The following LHX8 variants were observed in gnomAD, a reference collection of about 807,000 sequenced individuals.
The protein encoded by LHX8 is LIM homeobox 8.
A neutral mutation model predicts 40.3 loss-of-function variants in LHX8; 12 were observed. That is an observed-to-expected ratio of 0.30 (90% confidence interval 0.19 to 0.48). The LOEUF (loss-of-function observed/expected upper bound fraction) is 0.48. Ranked by LOEUF, LHX8 falls within the 20% of genes least tolerant of loss-of-function variation. The pLI, the probability that LHX8 is intolerant of heterozygous loss-of-function variation, is 0.99. For synonymous variants in LHX8, 179 were observed against 162.0 expected (o/e 1.10, Z -0.80); for missense variants, 344 against 433.7 (o/e 0.79, Z 1.84).
the LHX8 span, among the ~76,000 whole-genome samples, chr1:75,167,821 G>C: frequency 1.3e-5 from 2 of 152,138 alleles, no homozygotes; most frequent in Non-Finnish European, 2.9e-5. Context: ...CCTCAGCCTG[G>C]GCTACACGAT....
chr1:75,168,164 G>C, the LHX8 span, among the ~76,000 whole-genome samples: 1 of 152,146 alleles, frequency 6.6e-6, no homozygotes, highest in Non-Finnish European at 1.5e-5. Context: ...AGCACACCTT[G>C]CTTCATTAGC....
chr1:75,153,365 A>G (rs902122686), intron 7 of LHX8, among the ~76,000 whole-genome samples: 11 of 151,942 alleles, frequency 7.2e-5, no homozygotes, highest in African/African-American at 2.7e-4. Context: ...CGGCCTCCCA[A>G]AGTGCTGGGA....
downstream of LHX8, among the ~76,000 whole-genome samples, chr1:75,161,990 T>G (rs971766007): frequency 3.9e-5 from 6 of 152,164 alleles, no homozygotes; most frequent in African/African-American, 1.4e-4. Flanking sequence ...TTTAAAGAAT[T>G]TAGTACTCAC....
chr1:75,136,256 T>C (rs899197641), intron 1 of LHX8, among the ~76,000 whole-genome samples: 4 of 151,802 alleles, frequency 2.6e-5, no homozygotes, highest in African/African-American at 9.7e-5. Context: ...TCCGCTATGA[T>C]TGACGTCTGG....
At chr1:75,179,347 TG>T in the LHX8 span, among the ~76,000 whole-genome samples, 1 of 152,188 alleles carries the variant, frequency 6.6e-6, no homozygotes, top group Non-Finnish European at 1.5e-5. Flanking sequence ...TTTATGAATC[TG>T]GGTGCTCTTG....
At chr1:75,189,907 A>G in the LHX8 span, among the ~76,000 whole-genome samples, 1 of 152,182 alleles carries the variant, frequency 6.6e-6, no homozygotes, top group African/African-American at 2.4e-5. Flanking sequence ...CATTTAATCA[A>G]CTGTTCAATG....
chr1:75,156,832 A>T (rs1315789672), intron 7 of LHX8, 61 bp from the exon 8 acceptor site: 3 of 1,490,370 alleles, frequency 2.0e-6, no homozygotes, highest in African/African-American at 2.8e-5. Flanking sequence ...AACTGAGTTG[A>T]TAATGTGCTC....
intron 5 of LHX8, 58 bp downstream of exon 5, chr1:75,143,396 A>C: frequency 7.5e-7 from 1 of 1,341,732 alleles, no homozygotes; most frequent in Non-Finnish European, 1.0e-6. Flanking sequence ...AGGAATAAAA[A>C]TAACTTTTCC....
chr1:75,184,127 C>T, the LHX8 span, among the ~76,000 whole-genome samples: 2 of 152,106 alleles, frequency 1.3e-5, no homozygotes, highest in South Asian at 4.1e-4. Flanking sequence ...GATTCATAAA[C>T]CAAGTTCTTA....
At chr1:75,158,007 C>T (rs1257766338) in intron 8 of LHX8, among the ~76,000 whole-genome samples, 2 of 152,152 alleles carry the variant, frequency 1.3e-5, no homozygotes, top group East Asian at 3.8e-4. Flanking sequence ...AGTGGTTGAA[C>T]CAGTTTACAC....
At chr1:75,178,681 G>C in the LHX8 span, among the ~76,000 whole-genome samples, 1 of 152,032 alleles carries the variant, frequency 6.6e-6, no homozygotes, top group Non-Finnish European at 1.5e-5. Context: ...CTTCAGTTCT[G>C]CTCTGATCTT....
At chr1:75,179,327 A>G in the LHX8 span, among the ~76,000 whole-genome samples, 5 of 152,040 alleles carry the variant, frequency 3.3e-5, no homozygotes, top group South Asian at 8.3e-4. Flanking sequence ...TTAGGTCTCT[A>G]AGGACTTGCT....
intron 7 of LHX8, 38 bp downstream of exon 7, chr1:75,148,720 A>G (rs1487059526): frequency 3.6e-6 from 5 of 1,405,102 alleles, no homozygotes; most frequent in Non-Finnish European, 3.0e-6. Context: ...AAGGTTTTTA[A>G]AAAATAGATA....
At chr1:75,175,857 T>G in the LHX8 span, among the ~76,000 whole-genome samples, 10 of 152,192 alleles carry the variant, frequency 6.6e-5, no homozygotes, top group Non-Finnish European at 1.2e-4. Flanking sequence ...GTGTGTGATG[T>G]TCCCTGCCCT....
chr1:75,175,112 C>T, the LHX8 span, among the ~76,000 whole-genome samples: 1 of 152,204 alleles, frequency 6.6e-6, no homozygotes. Context: ...GTCTCCAAGT[C>T]CATCCAGGTT....
At chr1:75,148,732 T>C (rs758051457) in intron 7 of LHX8, 50 bp downstream of exon 7, 2 of 1,286,522 alleles carry the variant, frequency 1.6e-6, no homozygotes, top group Non-Finnish European at 1.1e-6. Flanking sequence ...AAATAGATAT[T>C]GGGTCTCCCT....
Position 75,134,875 on chromosome 1 carries a change from C to T in LHX8, c.-92C>T. On this transcript the variant is annotated 5_prime_UTR_variant, in exon 1 of 9. Coordinates refer to ENST00000356261, the MANE Select transcript of LHX8 (RefSeq NM_001256114.2). ...AGTCAGTAATCATTGCACTCCCTCC[C>T]CAAAAGCTCACTTAACCTGAGACAT... 1 of 984,344 alleles carries T rather than the reference C, an allele frequency of 1.0e-6. No individual in the cohort carries two copies. The highest frequency in any genetic ancestry group is 1.2e-6 in the Non-Finnish European group (1 of 829,054). The allele number at this position is 984,344 out of a possible 1,614,324, so 61.0% of individuals were successfully genotyped here.
the LHX8 span, among the ~76,000 whole-genome samples, chr1:75,166,726 A>T: frequency 6.6e-6 from 1 of 152,236 alleles, no homozygotes; most frequent in African/African-American, 2.4e-5. Flanking sequence ...ATGTCTCAGA[A>T]GTCTTGGTGA....
At chr1:75,138,579 A>T (rs1379933946) in intron 3 of LHX8, among the ~76,000 whole-genome samples, 4 of 152,162 alleles carry the variant, frequency 2.6e-5, no homozygotes, top group African/African-American at 9.7e-5. Flanking sequence ...AGCATTTTGG[A>T]TATTGCAAAA....
Sources: gnomAD v4.1 joint callset for allele counts (sites outside exome capture counted in the v4.1 genomes callset) on GRCh38, gnomAD v4.1.1 for gene constraint, MANE v1.5 for transcripts, NCBI Gene and HGNC (gene_info 2026-07-23, HGNC 2026-07-21) for gene names.